Variants in SLC24A3 observed in about 807,000 individuals in gnomAD.
SLC24A3 encodes sodium/potassium/calcium exchanger 3.
Under a neutral mutation model 75.8 loss-of-function variants are expected in SLC24A3, and 28 were observed. The observed-to-expected ratio is 0.37, with a 90% confidence interval of 0.27 to 0.51. The LOEUF (loss-of-function observed/expected upper bound fraction) is 0.51, where lower values mean the gene tolerates loss of function less well. Ranked by LOEUF, SLC24A3 falls within the 20% of genes least tolerant of loss-of-function variation. SLC24A3 has a pLI of 0.94. For missense variants in SLC24A3, 663 were observed against 847.8 expected (o/e 0.78, Z 2.71); for synonymous variants, 372 against 334.1 (o/e 1.11, Z -1.24).
chr20:19,588,479 T>A, intron 6 of SLC24A3, among the ~76,000 whole-genome samples: 1 of 152,236 alleles, frequency 6.6e-6, no homozygotes, highest in East Asian at 1.9e-4. Flanking sequence ...ATGAATTCAG[T>A]GTAATTAAAT....
chr20:19,608,613 G>A (rs1474218499), intron 6 of SLC24A3, among the ~76,000 whole-genome samples: 1 of 152,194 alleles, frequency 6.6e-6, no homozygotes, highest in Non-Finnish European at 1.5e-5. Flanking sequence ...GAATGACCGT[G>A]TCACAATAAG....
At chr20:19,395,447 T>C (rs1396972365) in intron 2 of SLC24A3, among the ~76,000 whole-genome samples, 2 of 152,238 alleles carry the variant, frequency 1.3e-5, no homozygotes, top group Non-Finnish European at 2.9e-5. Context: ...TTGTAGATTT[T>C]TCTTTCCTAG....
chr20:19,483,278 TC>T (rs1374711486), intron 2 of SLC24A3, among the ~76,000 whole-genome samples: 2 of 152,154 alleles, frequency 1.3e-5, no homozygotes, highest in Admixed American at 6.5e-5. Flanking sequence ...AACAATAGCT[TC>T]TTAGCAGATT....
chr20:19,308,529 G>A (rs1234789724), intron 2 of SLC24A3, among the ~76,000 whole-genome samples: 1 of 152,222 alleles, frequency 6.6e-6, no homozygotes, highest in South Asian at 2.1e-4. Flanking sequence ...TGGTGTTGGA[G>A]AGCTGAATCA....
chr20:19,319,796 A>G (rs572139098), intron 2 of SLC24A3, among the ~76,000 whole-genome samples: 236 of 152,304 alleles, frequency 1.5e-3, no homozygotes, highest in African/African-American at 5.5e-3. Context: ...CAGCTGGTAC[A>G]GAGCATCTTG....
At chr20:19,240,192 C>T (rs1280571986) in intron 1 of SLC24A3, among the ~76,000 whole-genome samples, 2 of 152,148 alleles carry the variant, frequency 1.3e-5, no homozygotes, top group East Asian at 1.9e-4. Context: ...AGTGGGGCTT[C>T]AGGTCACACT....
At chr20:19,411,625 A>C (rs1483993864) in intron 2 of SLC24A3, among the ~76,000 whole-genome samples, 1 of 152,230 alleles carries the variant, frequency 6.6e-6, no homozygotes, top group Non-Finnish European at 1.5e-5. Flanking sequence ...TGAGTGATTT[A>C]AGGGAAACAA....
At chr20:19,346,218 A>ATATGTATATATGGTATATATATATGGTG (rs1985413058) in intron 2 of SLC24A3, among the ~76,000 whole-genome samples, 1 of 42,106 alleles carries the variant, frequency 2.4e-5, no homozygotes, top group Non-Finnish European at 4.1e-5. Context: ...TATATGGTGT[A>ATATGTATATATGGTATATATATATGGTG]TATGTATATA....
intron 2 of SLC24A3, among the ~76,000 whole-genome samples, chr20:19,286,384 A>G (rs920945939): frequency 2.0e-5 from 3 of 152,126 alleles, no homozygotes; most frequent in African/African-American, 7.2e-5. Context: ...CAGCAAGCAG[A>G]AAACATGCGT....
intron 2 of SLC24A3, among the ~76,000 whole-genome samples, chr20:19,407,674 T>C (rs1415767746): frequency 6.6e-6 from 1 of 152,232 alleles, no homozygotes; most frequent in Non-Finnish European, 1.5e-5. Context: ...ATAGTAATGA[T>C]AGTTGTCATT....
chr20:19,610,529 A>C (rs2031659128), intron 6 of SLC24A3, among the ~76,000 whole-genome samples: 1 of 152,240 alleles, frequency 6.6e-6, no homozygotes, highest in Non-Finnish European at 1.5e-5. Context: ...TTCTGCATCA[A>C]GTTTTGTATT....
At chr20:19,335,038 C>T (rs930439157) in intron 2 of SLC24A3, among the ~76,000 whole-genome samples, 7 of 152,192 alleles carry the variant, frequency 4.6e-5, no homozygotes, top group Non-Finnish European at 1.0e-4. Context: ...ACATATTCTC[C>T]CTCTGCACTG....
At chr20:19,305,974 T>C (rs1458953219) in intron 2 of SLC24A3, among the ~76,000 whole-genome samples, 2 of 152,188 alleles carry the variant, frequency 1.3e-5, no homozygotes, top group Non-Finnish European at 2.9e-5. Flanking sequence ...ATTTGCAAAC[T>C]ATGCATCTGA....
chr20:19,670,013 G>T (rs889705101), intron 8 of SLC24A3, among the ~76,000 whole-genome samples: 2 of 152,170 alleles, frequency 1.3e-5, no homozygotes, highest in Non-Finnish European at 2.9e-5. Flanking sequence ...GTGAAAGGGC[G>T]AGAAAGGGGA....
At chr20:19,389,817 C>T (rs1986335953) in intron 2 of SLC24A3, among the ~76,000 whole-genome samples, 1 of 152,004 alleles carries the variant, frequency 6.6e-6, no homozygotes, top group Non-Finnish European at 1.5e-5. Flanking sequence ...GTTTAATATG[C>T]TTTTAGCCTC....
chr20:19,584,419 G>T (rs369816665), intron 4 of SLC24A3, among the ~76,000 whole-genome samples: 62 of 152,284 alleles, frequency 4.1e-4, no homozygotes, highest in African/African-American at 1.4e-3. Context: ...TGGTTACCAT[G>T]AGCGTCATTT....
chr20:19,376,500 G>T (rs1207439248), intron 2 of SLC24A3, among the ~76,000 whole-genome samples: 1 of 152,202 alleles, frequency 6.6e-6, no homozygotes, highest in Non-Finnish European at 1.5e-5. Flanking sequence ...AATCGTGGCA[G>T]GCTATCGTTC....
chr20:19,544,830 G>C (rs555583568), intron 3 of SLC24A3, among the ~76,000 whole-genome samples: 1 of 152,126 alleles, frequency 6.6e-6, no homozygotes, highest in Non-Finnish European at 1.5e-5. Context: ...AGGAACCCAA[G>C]GCAGTTTGAA....
intron 13 of SLC24A3, chr20:19,693,647 T>C (rs1175712522): frequency 7.7e-6 from 4 of 520,898 alleles, no homozygotes; most frequent in Admixed American, 3.5e-5. Context: ...AGCTGGGACC[T>C]GCTATGCAGC....
Sources: gnomAD v4.1 joint callset for allele counts (sites outside exome capture counted in the v4.1 genomes callset) on GRCh38, gnomAD v4.1.1 for gene constraint, MANE v1.5 for transcripts, NCBI Gene and HGNC (gene_info 2026-07-23, HGNC 2026-07-21) for gene names.